Variants in WWOX observed in about 807,000 individuals in gnomAD.
WWOX encodes the protein WW domain-containing oxidoreductase.
Under a neutral mutation model 46.2 loss-of-function variants are expected in WWOX, and 69 were observed. The observed-to-expected ratio is 1.49, with a 90% CI of 1.23 to 1.82. The LOEUF (loss-of-function observed/expected upper bound fraction) is 1.82, where lower values mean the gene tolerates loss of function less well. Among genes scored for constraint, WWOX ranks in the 40% most tolerant of loss-of-function variants. The pLI is 0.00. For synonymous variants in WWOX, 359 were observed against 202.6 expected, an observed-to-expected ratio of 1.77 and a Z score of -6.56; for missense variants, 919 against 542.6, an observed-to-expected ratio of 1.69 and a Z score of -6.89.
intron 6 of WWOX, among the ~76,000 whole-genome samples, chr16:78,413,851 A>G (rs1041177758): frequency 2.0e-5 from 3 of 151,282 alleles, no homozygotes; most frequent in African/African-American, 7.3e-5. Flanking sequence ...GGCTGGTGCA[A>G]TGGCTTACCC....
chr16:79,025,536 T>C (rs2047620773), intron 8 of WWOX, among the ~76,000 whole-genome samples: 1 of 152,048 alleles, frequency 6.6e-6, no homozygotes, highest in Non-Finnish European at 1.5e-5. Flanking sequence ...CAGGGAGCAC[T>C]GAGGGCTGCT....
chr16:78,254,944 C>T lies in WWOX; in HGVS notation c.516+90655C>T, dbSNP rs112348004. On this transcript the variant is annotated intron_variant, in intron 5 of 8. Coordinates refer to ENST00000566780, the MANE Select transcript of WWOX (RefSeq NM_016373.4). Reference sequence around the variant, plus strand: ...CCAGAGGCTGGGAGCACATCTTGGTCTGCCTGGTATGGAGGGCTGGGAGGA... The same window carrying T: ...CCAGAGGCTGGGAGCACATCTTGGTTTGCCTGGTATGGAGGGCTGGGAGGA... Among the ~76,000 whole-genome samples the T allele has an allele frequency of 5.9e-3, 897 of 152,290 alleles. 8 individuals are homozygous for T. The highest frequency in any genetic ancestry group is 0.019 in the African/African-American group (770 of 41,572).
chr16:78,779,526 C>G (rs1376183154), intron 8 of WWOX, among the ~76,000 whole-genome samples: 1 of 152,168 alleles, frequency 6.6e-6, no homozygotes, highest in Non-Finnish European at 1.5e-5. Flanking sequence ...TAGTTGCTCA[C>G]TCTGTCCAAG....
chr16:78,312,381 C>CTTTTTTTTTTTTTTTT (rs561304972), intron 5 of WWOX, among the ~76,000 whole-genome samples: 1 of 132,852 alleles, frequency 7.5e-6, no homozygotes, highest in African/African-American at 2.8e-5. Flanking sequence ...AGGTCTAATT[C>CTTTTTTTTTTTTTTTT]TTTTTTTTTT....
At chr16:78,363,646 T>C (rs62035761) in intron 5 of WWOX, among the ~76,000 whole-genome samples, 13,290 of 152,160 alleles carry the variant, frequency 0.087, 639 homozygotes, top group Middle Eastern at 0.15. Flanking sequence ...GATATTCCCC[T>C]TTCTTCTAAA....
intron 8 of WWOX, chr16:79,101,621 T>G (rs1291860552): frequency 3.3e-5 from 5 of 152,038 alleles, no homozygotes; most frequent in Non-Finnish European, 7.3e-5. Context: ...AGTAGTCCTC[T>G]GAAATACATG....
chr16:78,979,012 C>T (rs543866667), intron 8 of WWOX, among the ~76,000 whole-genome samples: 1 of 152,202 alleles, frequency 6.6e-6, no homozygotes, highest in East Asian at 1.9e-4. Flanking sequence ...TGAGGACCAG[C>T]ATCGACCTTC....
At chr16:78,944,933 C>G (rs1273712185) in intron 8 of WWOX, among the ~76,000 whole-genome samples, 1 of 152,166 alleles carries the variant, frequency 6.6e-6, no homozygotes, top group Non-Finnish European at 1.5e-5. Context: ...AATCCCAGCA[C>G]TTTCAGAGGC....
At chr16:78,468,987 C>G (rs1015228802) in intron 8 of WWOX, among the ~76,000 whole-genome samples, 6 of 152,198 alleles carry the variant, frequency 3.9e-5, no homozygotes, top group African/African-American at 1.4e-4. Flanking sequence ...TTCTGAATGA[C>G]TTGACTTAGC....
intron 5 of WWOX, among the ~76,000 whole-genome samples, chr16:78,189,379 A>G (rs1316218499): frequency 1.3e-5 from 2 of 152,186 alleles, no homozygotes; most frequent in Admixed American, 6.5e-5. Flanking sequence ...ATGATGTAAC[A>G]TGGAGATTGT....
chr16:79,100,719 C>T (rs1426465463), intron 8 of WWOX, among the ~76,000 whole-genome samples: 6 of 152,222 alleles, frequency 3.9e-5, no homozygotes, highest in African/African-American at 1.2e-4. Flanking sequence ...AGCACCTTGG[C>T]GTCACCAGGC....
chr16:78,848,842 G>A (rs1037039824), intron 8 of WWOX, among the ~76,000 whole-genome samples: 2 of 151,488 alleles, frequency 1.3e-5, no homozygotes, highest in African/African-American at 2.4e-5. Context: ...AACCTCCTCT[G>A]AGATTCTGTA....
At chr16:78,946,044 G>A (rs898259036) in intron 8 of WWOX, among the ~76,000 whole-genome samples, 1 of 152,102 alleles carries the variant, frequency 6.6e-6, no homozygotes, top group African/African-American at 2.4e-5. Context: ...TCGCAATGAA[G>A]CTGTGCTCTA....
chr16:78,137,246 G>T (rs1456699438), intron 4 of WWOX, among the ~76,000 whole-genome samples: 1 of 152,152 alleles, frequency 6.6e-6, no homozygotes, highest in Admixed American at 6.5e-5. Context: ...GTAAATGTGT[G>T]TCCACCCCCT....
chr16:78,529,117 C>G (rs1275001556), intron 8 of WWOX, among the ~76,000 whole-genome samples: 1 of 151,626 alleles, frequency 6.6e-6, no homozygotes, highest in African/African-American at 2.4e-5. Context: ...CCATGCCCAG[C>G]TAAGTTTGTT....
intron 8 of WWOX, among the ~76,000 whole-genome samples, chr16:78,754,365 CTTA>C (rs946777474): frequency 6.6e-6 from 1 of 152,032 alleles, no homozygotes; most frequent in African/African-American, 2.4e-5. Flanking sequence ...GTACCTGTGT[CTTA>C]TTATTGAACT....
At chr16:78,529,381 G>T (rs531060116) in intron 8 of WWOX, among the ~76,000 whole-genome samples, 1 of 152,134 alleles carries the variant, frequency 6.6e-6, no homozygotes, top group South Asian at 2.1e-4. Flanking sequence ...GGGGTTCTTG[G>T]GTATGTTTTG....
intron 4 of WWOX, among the ~76,000 whole-genome samples, chr16:78,162,953 T>G: frequency 6.6e-6 from 1 of 152,220 alleles, no homozygotes; most frequent in Non-Finnish European, 1.5e-5. Flanking sequence ...AATATCTATT[T>G]GAATTTTTTT....
chr16:78,930,673 C>G (rs1161692383), intron 8 of WWOX, among the ~76,000 whole-genome samples: 2 of 150,970 alleles, frequency 1.3e-5, no homozygotes, highest in Non-Finnish European at 2.9e-5. Flanking sequence ...TGCAGTTAAT[C>G]CTATTGAGTA....
Sources: allele counts gnomAD v4.1 joint callset (sites outside exome capture counted in the v4.1 genomes callset), GRCh38; gene constraint gnomAD v4.1.1; transcripts MANE v1.5; gene names NCBI Gene and HGNC (gene_info 2026-07-23, HGNC 2026-07-21).